GRIA1: variants seen among roughly 807,000 people sequenced by gnomAD.
GRIA1 encodes glutamate receptor 1.
In GRIA1, 31 loss-of-function variants were observed where a neutral mutation model predicts 99.2. The observed-to-expected ratio is 0.31, with a 90% CI of 0.23 to 0.42. The LOEUF is 0.42. Among genes scored for constraint, GRIA1 ranks in the 10% least tolerant of loss-of-function variants. The probability of loss-of-function intolerance (pLI) is 1.00; values close to 1 mark genes in which losing one functional copy is unlikely to be tolerated. For synonymous variants in GRIA1, 438 were observed against 432.4 expected (o/e 1.01, Z -0.16); for missense variants, 782 against 1,157.5 (o/e 0.68, Z 4.71).
chr5:153,490,118 G>T (rs2113159794), upstream of GRIA1: 1 of 270,640 alleles, frequency 3.7e-6, no homozygotes, highest in African/African-American at 2.3e-5. Flanking sequence ...GGATTTCTAG[G>T]GTCTTTCCCT....
chr5:153,600,131 C>CT (rs920091842), intron 2 of GRIA1, among the ~76,000 whole-genome samples: 9 of 152,080 alleles, frequency 5.9e-5, no homozygotes, highest in Non-Finnish European at 1.2e-4. Flanking sequence ...GTGGCTCACG[C>CT]TTGTAATCCC....
At chr5:153,611,815 G>A (rs1766013190) in intron 2 of GRIA1, among the ~76,000 whole-genome samples, 1 of 152,192 alleles carries the variant, frequency 6.6e-6, no homozygotes, top group Non-Finnish European at 1.5e-5. Flanking sequence ...CACTGGCAGG[G>A]GAAAGGTGTT....
intron 2 of GRIA1, among the ~76,000 whole-genome samples, chr5:153,628,478 C>T (rs74680387): frequency 0.097 from 14,787 of 152,228 alleles, 851 homozygotes; most frequent in Middle Eastern, 0.17. Context: ...TACATTACAA[C>T]ATGTTTAGTA....
intron 2 of GRIA1, among the ~76,000 whole-genome samples, chr5:153,593,271 A>T (rs1174836146): frequency 3.9e-5 from 6 of 152,136 alleles, no homozygotes; most frequent in Admixed American, 3.3e-4. Flanking sequence ...CATCTCAAAA[A>T]AATAAAAAAT....
intron 11 of GRIA1, among the ~76,000 whole-genome samples, chr5:153,764,085 G>T (rs1212491520): frequency 2.6e-5 from 4 of 152,216 alleles, no homozygotes; most frequent in African/African-American, 4.8e-5. Flanking sequence ...TGCTGTGTAT[G>T]TAATTGCTTA....
intron 2 of GRIA1, among the ~76,000 whole-genome samples, chr5:153,513,982 T>C (rs1756359379): frequency 1.3e-5 from 2 of 152,200 alleles, no homozygotes; most frequent in Admixed American, 6.5e-5. Flanking sequence ...TTCAACACCA[T>C]TTTGCAGTCT....
At chr5:153,740,966 C>CTT (rs10601141) in intron 11 of GRIA1, among the ~76,000 whole-genome samples, 977 of 76,820 alleles carry the variant, frequency 0.013, 5 homozygotes, top group Non-Finnish European at 0.015. Context: ...AAGAAATTGG[C>CTT]TTTTTTTTTT....
In GRIA1 at chr5:153,752,586, A is replaced by G. The variant is rs1469638099; in HGVS notation, c.1824-11848A>G. Among the ~76,000 whole-genome samples the G allele has an allele frequency of 3.3e-5, 5 of 152,186 alleles. No individual in the cohort carries two copies. The South Asian group carries it at 8.3e-4, about 25-fold the overall frequency. On this transcript the variant is annotated intron_variant, in intron 11 of 15. Transcript: ENST00000285900. ...ATATGTTTTTTAATCAGTAGGCTCC[A>G]CTGCCTTCCTATCTTCTCTATCAGA...
At chr5:153,779,257 A>C (rs1443220988) in intron 13 of GRIA1, among the ~76,000 whole-genome samples, 2 of 152,206 alleles carry the variant, frequency 1.3e-5, no homozygotes, top group African/African-American at 4.8e-5. Flanking sequence ...TGCTTTACCC[A>C]GGTTCTCAAA....
At chr5:153,650,070 G>A (rs10063732) in intron 3 of GRIA1, among the ~76,000 whole-genome samples, 3,253 of 152,302 alleles carry the variant, frequency 0.021, 129 homozygotes, top group African/African-American at 0.074. Flanking sequence ...AGAGGCTAAT[G>A]AGCCTGCACA....
intron 2 of GRIA1, among the ~76,000 whole-genome samples, chr5:153,612,440 GTTAAC>G (rs983287936): frequency 6.6e-6 from 1 of 152,230 alleles, no homozygotes; most frequent in Admixed American, 6.5e-5. Flanking sequence ...CTTTGTGCAA[GTTAAC>G]TTATCTGAGC....
intron 2 of GRIA1, among the ~76,000 whole-genome samples, chr5:153,504,437 C>A (rs561120937): frequency 1.9e-4 from 29 of 151,586 alleles, no homozygotes; most frequent in East Asian, 5.8e-4. Context: ...TTTACTCTCT[C>A]TATATATATA....
intron 2 of GRIA1, among the ~76,000 whole-genome samples, chr5:153,560,963 A>G (rs1416092265): frequency 2.0e-5 from 3 of 152,220 alleles, no homozygotes; most frequent in Non-Finnish European, 4.4e-5. Flanking sequence ...AGAAGGGTAG[A>G]TCTGAGACAA....
At position 153,551,359 on chromosome 5, in the gene GRIA1, T is replaced by G. The variant is rs558872783; in HGVS notation, c.220+57294T>G. Among the ~76,000 whole-genome samples, 162 of 152,132 alleles carry G rather than the reference T, an allele frequency of 1.1e-3. 6 individuals are homozygous for G. The East Asian group carries it at 0.027, about 26-fold the overall frequency. ...GGATCTTTTTACAGTTTTTTTTGTT[T>G]GTTTGTTTCTTAATGAGCAGGCCTA... On this transcript the variant is annotated intron_variant, in intron 2 of 15. Coordinates refer to ENST00000285900, the MANE Select transcript of GRIA1 (RefSeq NM_000827.4).
In GRIA1 at chr5:153,794,746, G is replaced by T; in HGVS notation, c.2385+11G>T. On this transcript the variant is annotated intron_variant, in intron 14 of 15. Transcript: ENST00000285900. ...GGAGGTGATTCCAAGGTCAGCCCCA[G>T]TAAGAAAAAAAAAAACCTAGTGGGT... is the stretch of plus-strand genomic sequence containing the variant. The T allele has an allele frequency of 6.5e-7, 1 of 1,538,586 alleles. No homozygotes were observed. The highest frequency in any genetic ancestry group is 8.9e-7 in the Non-Finnish European group (1 of 1,121,286).
intron 11 of GRIA1, among the ~76,000 whole-genome samples, chr5:153,725,790 G>T (rs1760478086): frequency 7.7e-6 from 1 of 130,282 alleles, no homozygotes; most frequent in Non-Finnish European, 1.6e-5. Flanking sequence ...CAATAATAAT[G>T]GGAGACTTTA....
intron 11 of GRIA1, among the ~76,000 whole-genome samples, chr5:153,745,964 C>T (rs932102455): frequency 6.6e-6 from 1 of 152,192 alleles, no homozygotes; most frequent in African/African-American, 2.4e-5. Context: ...TGTGCTTGTC[C>T]TCACGACAGC....
At chr5:153,754,533 A>G (rs1466260902) in intron 11 of GRIA1, among the ~76,000 whole-genome samples, 3 of 152,152 alleles carry the variant, frequency 2.0e-5, no homozygotes, top group African/African-American at 7.2e-5. Context: ...GGTGTGTGGA[A>G]CTTTTGTGGG....
rs577672429 is a variant in GRIA1 at position 153,602,631 on chromosome 5, G to C, written c.221-44297G>C. Among the ~76,000 whole-genome samples, 9 of 152,226 alleles carry C rather than the reference G, an allele frequency of 5.9e-5. No individual in the cohort carries two copies. The South Asian group carries it at 1.9e-3, about 32-fold the overall frequency. ...ATTCTAACACTCCCATTTGATAGAT[G>C]ATGAAGCCAAAAAAGATAAAGTAAT... On this transcript the variant is annotated intron_variant, in intron 2 of 15. Transcript: ENST00000285900.
Sources: gnomAD v4.1 joint callset for allele counts (sites outside exome capture counted in the v4.1 genomes callset) on GRCh38, gnomAD v4.1.1 for gene constraint, MANE v1.5 for transcripts, NCBI Gene and HGNC (gene_info 2026-07-23, HGNC 2026-07-21) for gene names.